DGKD: variants seen among roughly 807,000 people sequenced by gnomAD.
DGKD encodes the protein DAG kinase delta.
In DGKD, 68 loss-of-function variants were observed where a neutral mutation model predicts 154.4. That is an observed-to-expected ratio of 0.44 (90% confidence interval 0.36 to 0.54). The LOEUF (loss-of-function observed/expected upper bound fraction) is 0.54. DGKD is among the 20% of genes least tolerant of loss of function. The pLI is 0.00. For missense variants in DGKD, 1,343 were observed against 1,593.6 expected, an observed-to-expected ratio of 0.84 and a Z score of 2.68; for synonymous variants, 693 against 638.0, an observed-to-expected ratio of 1.09 and a Z score of -1.30.
intron 3 of DGKD, among the ~76,000 whole-genome samples, chr2:233,399,557 G>A (rs368459303): frequency 8.5e-5 from 13 of 152,198 alleles, no homozygotes; most frequent in African/African-American, 3.1e-4. Context: ...GCTGTGGGGT[G>A]GAAGGGATGT....
intron 3 of DGKD, among the ~76,000 whole-genome samples, chr2:233,393,729 G>C (rs556391342): frequency 2.0e-5 from 3 of 151,040 alleles, no homozygotes; most frequent in African/African-American, 7.3e-5. Context: ...CGTTGCCCAG[G>C]GGGGAGTGTA....
At chr2:233,422,413 G>A (rs1171222102) in intron 3 of DGKD, among the ~76,000 whole-genome samples, 3 of 152,216 alleles carry the variant, frequency 2.0e-5, no homozygotes, top group African/African-American at 7.2e-5. Flanking sequence ...ACCGGAGGGC[G>A]TGGTCCATGA....
At chr2:233,412,693 G>A (rs1429690377) in intron 3 of DGKD, among the ~76,000 whole-genome samples, 9 of 152,256 alleles carry the variant, frequency 5.9e-5, no homozygotes, top group African/African-American at 4.8e-5. Context: ...GAAACAGTTC[G>A]GTTTTCATCA....
In DGKD at chr2:233,464,036, G is replaced by A. The variant is rs114907181; in HGVS notation, c.3187-128G>A. ...TCCTTTTCTGGTGCTCTGGGACTTC[G>A]TTTCTGGAAAGTGAGCTCCCTGATC... On this transcript the variant is annotated intron_variant, in intron 26 of 29. Transcript: ENST00000264057. 8.2e-4 allele frequency: 1,106 copies of A among 1,342,954 alleles called. 16 individuals are homozygous for A. In the African/African-American group the frequency reaches 0.015, roughly 18 times the overall value. The allele number at this position is 1,342,954 out of a possible 1,614,324, so 83.2% of individuals were successfully genotyped here.
chr2:233,380,613 C>T (rs182336386), intron 1 of DGKD, among the ~76,000 whole-genome samples: 44 of 152,268 alleles, frequency 2.9e-4, no homozygotes, highest in African/African-American at 9.9e-4. Flanking sequence ...GAAAGGTCCC[C>T]CGCGACCACC....
At chr2:233,377,322 G>A (rs543611715) in intron 1 of DGKD, among the ~76,000 whole-genome samples, 2 of 152,148 alleles carry the variant, frequency 1.3e-5, no homozygotes, top group African/African-American at 4.8e-5. Context: ...AACCTCAGGT[G>A]ATCCACCCGC....
intron 4 of DGKD, 105 bp from the exon 5 acceptor site, chr2:233,434,664 C>T: frequency 6.5e-7 from 1 of 1,534,120 alleles, no homozygotes; most frequent in Non-Finnish European, 8.8e-7. Flanking sequence ...TATAAACCTT[C>T]CTCCTCTCCT....
intron 3 of DGKD, among the ~76,000 whole-genome samples, chr2:233,398,280 G>C (rs972383558): frequency 1.1e-4 from 17 of 151,500 alleles, no homozygotes; most frequent in South Asian, 6.3e-4. Context: ...GTGGCTGGGA[G>C]TACAGGTGCC....
chr2:233,408,044 GT>G (rs1293793281), intron 3 of DGKD, among the ~76,000 whole-genome samples: 2,310 of 127,588 alleles, frequency 0.018, 25 homozygotes, highest in East Asian at 0.063. Context: ...AGGAAAAACT[GT>G]TTTTTTTTTT....
intron 24 of DGKD, 115 bp downstream of exon 24, chr2:233,460,460 A>T (rs2063593342): frequency 5.1e-6 from 7 of 1,368,612 alleles, no homozygotes; most frequent in Non-Finnish European, 6.9e-6. Context: ...TGGGGTCTGC[A>T]TTACCCATGA....
At chr2:233,379,142 G>A (rs1453863705) in intron 1 of DGKD, among the ~76,000 whole-genome samples, 6 of 152,214 alleles carry the variant, frequency 3.9e-5, no homozygotes. Flanking sequence ...GGATGTTCAT[G>A]TACTTGCAAA....
intron 3 of DGKD, among the ~76,000 whole-genome samples, chr2:233,419,936 A>G (rs984181493): frequency 6.6e-6 from 1 of 152,080 alleles, no homozygotes; most frequent in South Asian, 2.1e-4. Flanking sequence ...CTCCCTTCTG[A>G]GTGGTCCCGC....
Position 233,445,560 on chromosome 2 carries a change from G to C in DGKD, c.1195-63G>C. The C allele has an allele frequency of 4.6e-6, 7 of 1,523,676 alleles. No homozygotes were observed. Among genetic ancestry groups the C allele is most frequent in the Non-Finnish European group, 6.2e-6 (7 of 1,134,002 alleles). 94.4% of individuals were successfully genotyped at this position (1,523,676 alleles called of 1,614,324 possible). The stretch of plus-strand genomic sequence containing the variant: ...CACGGTGGGGGACAAGGAGGGCTGC[G>C]GGCTGGGAAGTGGCCCCTGCCCCCA... On this transcript the variant is annotated intron_variant, in intron 10 of 29. Transcript: ENST00000264057. The surrounding 1 kb of genome is among the most constrained non-coding windows in gnomAD (Gnocchi z 5.5).
rs2063479832 is a variant in DGKD, at chr2:233,456,915, A to G, written c.2392A>G (p.Met798Val). 3.7e-6 allele frequency: 6 copies of G among 1,614,102 alleles called. No individual in the cohort carries two copies. Among genetic ancestry groups the G allele is most frequent in the Non-Finnish European group, 1.7e-6 (2 of 1,179,940 alleles). The change falls in exon 20 of 30, where the codon ATG becomes GTG. Residue 798 changes from methionine to valine, a missense_variant. Physicochemically the swap from Met to Val is conservative, Grantham distance 21. Coordinates refer to ENST00000264057, the MANE Select transcript of DGKD (RefSeq NM_152879.3). ...TGTTTCTAGGAGCCGAACCAAGAAC[A>G]TGATGTGGTATGGAGTTCTTGGAAC... ...PEKCRSRTKN[M>V]MWYGVLGTKE... is the part of the protein sequence containing the mutation.
intron 28 of DGKD, 91 bp downstream of exon 28, chr2:233,467,294 G>C: frequency 1.1e-6 from 1 of 930,028 alleles, no homozygotes; most frequent in Non-Finnish European, 1.8e-6. Flanking sequence ...CCTTGGCCTT[G>C]CAGCTCCTCC....
rs2063983683 is a variant in DGKD, at chr2:233,470,659, C to T, written c.*1199C>T. ...TGCCCAGGTGAAGGATGCCCCTGGT[C>T]CTCCAGGGCACTGACTTTGCCCTTT... On this transcript the variant is annotated 3_prime_UTR_variant, in exon 30 of 30. Transcript: ENST00000264057. The T allele has an allele frequency of 6.6e-6, 1 of 152,436 alleles. No individual in the cohort carries two copies. The highest frequency in any genetic ancestry group is 1.5e-5 in the Non-Finnish European group (1 of 68,106). 9.4% of individuals were successfully genotyped at this position (152,436 alleles called of 1,614,324 possible). A position where few individuals can be genotyped will look rare whatever the true frequency, so the allele number is the denominator to read the frequency against.
At chr2:233,397,000 A>C (rs1241205880) in intron 3 of DGKD, among the ~76,000 whole-genome samples, 3 of 46,928 alleles carry the variant, frequency 6.4e-5, no homozygotes, top group Admixed American at 3.0e-4. Flanking sequence ...AGGACTCCAG[A>C]GGGGACCAGG....
At chr2:233,421,834 C>G (rs555516416) in intron 3 of DGKD, among the ~76,000 whole-genome samples, 20 of 152,318 alleles carry the variant, frequency 1.3e-4, no homozygotes, top group African/African-American at 4.6e-4. Context: ...AATGTAACTT[C>G]CGCAGGAGCA....
In DGKD at chr2:233,469,557, C is replaced by A. The variant is rs1436400496; in HGVS notation, c.*97C>A. On this transcript the variant is annotated 3_prime_UTR_variant, in exon 30 of 30. Transcript: ENST00000264057. ...GCCTCTGCGCCTCCTGCCACTGAGG[C>A]CCTGGGCAGATGCTGCAGCCCGCCC... 6.4e-6 allele frequency: 7 copies of A among 1,086,110 alleles called. No individual in the cohort carries two copies. The Admixed American group carries it at 1.5e-4, about 23-fold the overall frequency. 67.3% of individuals were successfully genotyped at this position (1,086,110 alleles called of 1,614,324 possible). A position where few individuals can be genotyped will look rare whatever the true frequency, so the allele number is the denominator to read the frequency against.
Sources: allele counts gnomAD v4.1 joint callset (sites outside exome capture counted in the v4.1 genomes callset), GRCh38; gene constraint gnomAD v4.1.1; non-coding constraint Gnocchi (gnomAD v3.1); transcripts MANE v1.5; gene names NCBI Gene and HGNC (gene_info 2026-07-23, HGNC 2026-07-21).